Variants in DYM observed in about 807,000 individuals in gnomAD.
DYM encodes dymeclin, also known as dyggve-Melchior-Clausen syndrome protein.
DYM carries 78 observed loss-of-function variants against 93.1 expected under a neutral mutation model. The ratio of observed to expected loss-of-function variants is 0.84; its 90% confidence interval spans 0.70 to 1.01. The LOEUF is 1.01. DYM is among the 50% of genes least tolerant of loss of function. The probability of loss-of-function intolerance (pLI) is 0.00; values close to 1 mark genes in which losing one functional copy is unlikely to be tolerated. For synonymous variants in DYM, 321 were observed against 319.7 expected, an observed-to-expected ratio of 1.00 and a Z score of -0.04; for missense variants, 789 against 845.0, an observed-to-expected ratio of 0.93 and a Z score of 0.82.
At chr18:49,218,915 C>T (rs941906650) in intron 13 of DYM, among the ~76,000 whole-genome samples, 3 of 151,942 alleles carry the variant, frequency 2.0e-5, no homozygotes, top group Admixed American at 1.3e-4. Flanking sequence ...CAGAGCAGAA[C>T]TGAAGGAAAT....
At position 49,202,920 on chromosome 18, in the gene DYM, C is replaced by T. The variant is rs562988860; in HGVS notation, c.1625+6631G>A. Among the ~76,000 whole-genome samples the T allele has an allele frequency of 9.7e-3, 1,332 of 136,818 alleles. 27 individuals are homozygous for T. Among genetic ancestry groups the T allele is most frequent in the African/African-American group, 0.034 (1,274 of 37,042 alleles). 89.8% of individuals were successfully genotyped at this position (136,818 alleles called of 152,430 possible). A position where few individuals can be genotyped will look rare whatever the true frequency, so the allele number is the denominator to read the frequency against. ...GGGAGGTTGGGGGGGGTCAGCCCCCCGCCTGGCCAGCCGCCCCATCCGGGA... is the reference window on the plus strand; with the variant it reads ...GGGAGGTTGGGGGGGGTCAGCCCCCTGCCTGGCCAGCCGCCCCATCCGGGA... On this transcript the variant is annotated intron_variant, in intron 14 of 17. Coordinates refer to ENST00000675505, the MANE Select transcript of DYM (RefSeq NM_001353214.3).
chr18:49,438,418 T>C (rs1047865444), intron 1 of DYM, among the ~76,000 whole-genome samples: 1 of 152,038 alleles, frequency 6.6e-6, no homozygotes, highest in African/African-American at 2.4e-5. Context: ...GCTAAAAAAA[T>C]AACAGGCGGC....
chr18:49,240,018 A>G (rs1374052534), intron 13 of DYM, among the ~76,000 whole-genome samples: 2 of 152,224 alleles, frequency 1.3e-5, no homozygotes, highest in South Asian at 2.1e-4. Flanking sequence ...GAGAATAAAC[A>G]TGATTTATAT....
At chr18:49,125,110 A>G (rs996807131) in intron 15 of DYM, among the ~76,000 whole-genome samples, 5 of 152,122 alleles carry the variant, frequency 3.3e-5, no homozygotes, top group African/African-American at 1.2e-4. Context: ...ATACAAAAAA[A>G]GTAGCTGGGT....
chr18:49,153,712 G>T (rs2086075045), intron 15 of DYM, among the ~76,000 whole-genome samples: 1 of 152,140 alleles, frequency 6.6e-6, no homozygotes, highest in Non-Finnish European at 1.5e-5. Flanking sequence ...ACACGAGGGA[G>T]AAGTGACAAC....
intron 6 of DYM, among the ~76,000 whole-genome samples, chr18:49,336,637 A>G (rs2063694721): frequency 6.6e-6 from 1 of 152,236 alleles, no homozygotes; most frequent in Admixed American, 6.5e-5. Context: ...ATGATGTTCA[A>G]CAAATATTGA....
At chr18:49,085,908 G>C (rs2078482570) in intron 17 of DYM, among the ~76,000 whole-genome samples, 1 of 151,992 alleles carries the variant, frequency 6.6e-6, no homozygotes, top group Non-Finnish European at 1.5e-5. Flanking sequence ...CCTGGCAACT[G>C]GTTCTATTTT....
intron 11 of DYM, among the ~76,000 whole-genome samples, chr18:49,261,454 T>C (rs1298080725): frequency 1.3e-5 from 2 of 152,218 alleles, no homozygotes; most frequent in Non-Finnish European, 2.9e-5. Flanking sequence ...ATGGATCACC[T>C]GAGGTCAGGA....
chr18:49,037,649 T>C lies in DYM; in HGVS notation c.*6406A>G, dbSNP rs1298757712. 1.3e-5 allele frequency among the ~76,000 whole-genome samples: 2 copies of C among 152,228 alleles called. No individual in the cohort carries two copies. The highest frequency in any genetic ancestry group is 2.9e-5 in the Non-Finnish European group (2 of 68,040). The stretch of plus-strand genomic sequence containing the variant: ...CAAGTTTTTTCTCTGTTTTGATATG[T>C]AGTATTTTCATGATCAGTTCAAAAT... On this transcript the variant is annotated 3_prime_UTR_variant, in exon 18 of 18. Transcript: ENST00000675505.
At chr18:49,434,776 G>C (rs2080673967) in intron 1 of DYM, among the ~76,000 whole-genome samples, 1 of 151,884 alleles carries the variant, frequency 6.6e-6, no homozygotes, top group African/African-American at 2.4e-5. Flanking sequence ...TACCAGCCTG[G>C]GCAATATAGC....
chr18:49,408,958 G>C lies in DYM; in HGVS notation c.141-17313C>G, dbSNP rs946813385. Among the ~76,000 whole-genome samples, 3 of 152,108 alleles carry C rather than the reference G, an allele frequency of 2.0e-5. No individual in the cohort carries two copies. The South Asian group carries it at 6.2e-4, about 32-fold the overall frequency. On this transcript the variant is annotated intron_variant, in intron 2 of 17. Coordinates refer to ENST00000675505, the MANE Select transcript of DYM (RefSeq NM_001353214.3). ...AGAATGGTCTAGTCAACAAAATACA[G>C]AAATATTCAGTTGTGACAGAAAAAG...
At chr18:49,383,677 A>G (rs1011730766) in intron 3 of DYM, among the ~76,000 whole-genome samples, 6 of 152,214 alleles carry the variant, frequency 3.9e-5, no homozygotes, top group South Asian at 2.1e-4. Context: ...TGAACAGCCA[A>G]CATTGTATAA....
At chr18:49,082,083 C>G (rs1359647769) in intron 17 of DYM, among the ~76,000 whole-genome samples, 2 of 152,240 alleles carry the variant, frequency 1.3e-5, no homozygotes, top group Admixed American at 6.5e-5. Flanking sequence ...TCTTTCCCTT[C>G]TAGGATTCTT....
intron 16 of DYM, among the ~76,000 whole-genome samples, chr18:49,111,224 A>G (rs2081361164): frequency 1.3e-5 from 2 of 152,112 alleles, no homozygotes; most frequent in East Asian, 1.9e-4. Flanking sequence ...TTAAAAATGT[A>G]AAAAACATAC....
At chr18:49,415,714 G>C (rs1238472177) in intron 2 of DYM, among the ~76,000 whole-genome samples, 1 of 151,870 alleles carries the variant, frequency 6.6e-6, no homozygotes, top group East Asian at 1.9e-4. Context: ...GATTGCTTGA[G>C]GCCAGGAGTT....
intron 14 of DYM, among the ~76,000 whole-genome samples, chr18:49,184,839 C>T (rs549989389): frequency 2.0e-5 from 3 of 152,096 alleles, no homozygotes; most frequent in South Asian, 2.1e-4. Context: ...GAAAACAAAA[C>T]GAGGATAATG....
At chr18:49,323,141 C>T (rs139813667) in intron 8 of DYM, among the ~76,000 whole-genome samples, 5 of 152,226 alleles carry the variant, frequency 3.3e-5, no homozygotes, top group African/African-American at 1.2e-4. Flanking sequence ...TTCTGAGGGG[C>T]TCCTTACACA....
At chr18:49,219,213 C>T (rs1440403254) in intron 13 of DYM, among the ~76,000 whole-genome samples, 18 of 151,848 alleles carry the variant, frequency 1.2e-4, no homozygotes, top group Non-Finnish European at 1.5e-4. Flanking sequence ...CAGGAAGAAG[C>T]TGAATCTCTG....
intron 2 of DYM, among the ~76,000 whole-genome samples, chr18:49,400,695 A>G: frequency 6.7e-6 from 1 of 150,226 alleles, no homozygotes; most frequent in African/African-American, 2.4e-5. Flanking sequence ...GCCAAAAGCA[A>G]CACACCAATT....
Sources: allele counts gnomAD v4.1 joint callset (sites outside exome capture counted in the v4.1 genomes callset), GRCh38; gene constraint gnomAD v4.1.1; transcripts MANE v1.5; gene names NCBI Gene and HGNC (gene_info 2026-07-23, HGNC 2026-07-21).